The following CD46 variants were observed in gnomAD, a reference collection of about 807,000 sequenced individuals.
CD46 encodes the protein membrane cofactor protein.
CD46 carries 30 observed loss-of-function variants against 53.3 expected under a neutral mutation model. The ratio of observed to expected loss-of-function variants is 0.56; its 90% CI spans 0.42 to 0.76. The LOEUF is 0.76. Among genes scored for constraint, CD46 ranks in the 30% least tolerant of loss-of-function variants. The probability of loss-of-function intolerance (pLI) is 0.00; values close to 1 mark genes in which losing one functional copy is unlikely to be tolerated. For synonymous variants in CD46, 142 were observed against 152.0 expected (o/e 0.93, Z 0.48); for missense variants, 409 against 463.0 (o/e 0.88, Z 1.07).
At chr1:207,759,016 AG>A (rs1655882530) in intron 3 of CD46, among the ~76,000 whole-genome samples, 1 of 152,206 alleles carries the variant, frequency 6.6e-6, no homozygotes, top group African/African-American at 2.4e-5. Context: ...CATTGAGTAT[AG>A]GGGTATACTT....
Position 207,752,207 on chromosome 1 carries a change from C to T in CD46, c.-6C>T, listed in dbSNP as rs886045836. 11 of 1,613,278 alleles carry T rather than the reference C, an allele frequency of 6.8e-6. No homozygotes were observed. Among genetic ancestry groups the T allele is most frequent in the Non-Finnish European group, 9.3e-6 (11 of 1,179,774 alleles). On this transcript the variant is annotated 5_prime_UTR_variant, in exon 1 of 13. Coordinates refer to ENST00000367042, the MANE Select transcript of CD46 (RefSeq NM_172351.3). The surrounding 1 kb of genome is among the most constrained non-coding windows in gnomAD (Gnocchi z 4.1). Reference sequence around the variant, plus strand: ...CGGAGAAATAACAGCGTCTTCCGCGCCGCGCATGGAGCCTCCCGGCCGCCG... The same window carrying T: ...CGGAGAAATAACAGCGTCTTCCGCGTCGCGCATGGAGCCTCCCGGCCGCCG...
At chr1:207,792,517 G>A (rs886689819) in intron 12 of CD46, among the ~76,000 whole-genome samples, 6 of 152,160 alleles carry the variant, frequency 3.9e-5, no homozygotes, top group Non-Finnish European at 8.8e-5. Context: ...CGATGACCTT[G>A]AGCAGTAGGA....
intron 12 of CD46, among the ~76,000 whole-genome samples, chr1:207,792,053 C>T (rs570914205): frequency 1.3e-4 from 20 of 152,156 alleles, no homozygotes; most frequent in Admixed American, 8.5e-4. Context: ...GAGGCCGAGG[C>T]GGGCGGATCA....
chr1:207,763,848 G>T (rs1427246278), intron 5 of CD46, among the ~76,000 whole-genome samples: 20 of 139,756 alleles, frequency 1.4e-4, no homozygotes, highest in South Asian at 4.4e-4. Context: ...TGATTTTTTG[G>T]TTTTTTTTTT....
intron 9 of CD46, among the ~76,000 whole-genome samples, chr1:207,784,360 C>T (rs1659071662): frequency 6.6e-6 from 1 of 152,192 alleles, no homozygotes; most frequent in Non-Finnish European, 1.5e-5. Context: ...ACTAAACCAA[C>T]TCTCATGGGA....
chr1:207,779,382 G>C lies in CD46; in HGVS notation c.944-3910G>C, dbSNP rs530543397. On this transcript the variant is annotated intron_variant, in intron 8 of 12. Transcript: ENST00000367042. The stretch of plus-strand genomic sequence containing the variant: ...CTTTTCTTAAAAATGATATTATGCT[G>C]TACATATTTTTCTGCAACTTTTTCC... Among the ~76,000 whole-genome samples the C allele has an allele frequency of 3.3e-5, 5 of 152,112 alleles. No individual in the cohort carries two copies. In the South Asian group the frequency reaches 1.0e-3, roughly 32 times the overall value.
At chr1:207,767,464 T>C in intron 6 of CD46, 3 of 814,446 alleles carry the variant, frequency 3.7e-6, no homozygotes, top group Non-Finnish European at 6.3e-6. Flanking sequence ...TTTTTATGTA[T>C]AAAAAGTGAA....
At chr1:207,764,607 A>G (rs939511330) in intron 5 of CD46, among the ~76,000 whole-genome samples, 2 of 152,254 alleles carry the variant, frequency 1.3e-5, no homozygotes, top group African/African-American at 4.8e-5. Flanking sequence ...ATTATTCAAC[A>G]GACAAACAAA....
At chr1:207,778,698 A>G (rs925918246) in intron 8 of CD46, among the ~76,000 whole-genome samples, 2 of 152,138 alleles carry the variant, frequency 1.3e-5, no homozygotes, top group African/African-American at 4.8e-5. Flanking sequence ...GCCTTGTAGT[A>G]GAGTTTGAAG....
At chr1:207,776,157 G>C (rs550706047) in intron 8 of CD46, among the ~76,000 whole-genome samples, 43 of 152,370 alleles carry the variant, frequency 2.8e-4, no homozygotes, top group African/African-American at 9.6e-4. Flanking sequence ...GCAAGGTTCT[G>C]TGAGCGTGGG....
At chr1:207,774,313 C>T (rs935506350) in intron 8 of CD46, among the ~76,000 whole-genome samples, 8 of 151,894 alleles carry the variant, frequency 5.3e-5, no homozygotes, top group South Asian at 4.2e-4. Flanking sequence ...TATAGCACAC[C>T]GATGGGTCTT....
rs41316815 is a variant in CD46, at chr1:207,753,306, T to C, written c.97+997T>C. 3.4e-3 allele frequency among the ~76,000 whole-genome samples: 515 copies of C among 152,372 alleles called. 3 individuals are homozygous for C. The highest frequency in any genetic ancestry group is 0.012 in the African/African-American group (489 of 41,594). ...TAATCTTGTTTTCCCCTGCAGCTCA[T>C]AAGCTAAAGCTTAAGGCCTATCCCA... On this transcript the variant is annotated intron_variant, in intron 1 of 12. Transcript: ENST00000367042.
At chr1:207,791,545 G>C (rs1659800258) in intron 12 of CD46, among the ~76,000 whole-genome samples, 1 of 152,192 alleles carries the variant, frequency 6.6e-6, no homozygotes, top group African/African-American at 2.4e-5. Flanking sequence ...TATCCCGGGA[G>C]GGATGGAGTG....
chr1:207,779,840 C>A (rs1360231355), intron 8 of CD46, among the ~76,000 whole-genome samples: 1 of 150,492 alleles, frequency 6.6e-6, no homozygotes, highest in South Asian at 2.1e-4. Context: ...TCATACATTG[C>A]ATTCATAGGT....
At position 207,752,251 on chromosome 1, in the gene CD46, C is replaced by T; in HGVS notation, c.39C>T (p.Ser13=). Residue 13 remains serine, a synonymous_variant, in exon 1 of 13, where the codon TCC becomes TCT. Coordinates refer to ENST00000367042, the MANE Select transcript of CD46 (RefSeq NM_172351.3). This position sits in a 1 kb window ranked among gnomAD's most constrained non-coding sequence, Gnocchi z 4.1. ...GCCGCCGCGAGTGTCCCTTTCCTTC[C>T]TGGCGCTTTCCTGGGTTGCTTCTGG... ...PPGRRECPFP[S]WRFPGLLLAA... 6.2e-7 allele frequency: 1 copy of T among 1,614,162 alleles called. No individual in the cohort carries two copies.
At chr1:207,765,842 CTT>C (rs976190120) in intron 5 of CD46, among the ~76,000 whole-genome samples, 4 of 152,186 alleles carry the variant, frequency 2.6e-5, no homozygotes, top group Non-Finnish European at 5.9e-5. Flanking sequence ...CACACAGAAA[CTT>C]ATATGAGGAT....
At chr1:207,790,494 G>A in intron 12 of CD46, 149 bp downstream of exon 12, 1 of 601,628 alleles carries the variant, frequency 1.7e-6, no homozygotes, top group Non-Finnish European at 3.0e-6. Context: ...CTAAATTATT[G>A]ATGTGTTCTT....
At chr1:207,793,221 T>C (rs1659967828) in intron 12 of CD46, among the ~76,000 whole-genome samples, 2 of 152,208 alleles carry the variant, frequency 1.3e-5, no homozygotes, top group Admixed American at 1.3e-4. Flanking sequence ...TTGTCTCCAG[T>C]CTTTCCCATT....
Position 207,793,777 on chromosome 1 carries a change from T to C in CD46, c.*300T>C. Reference sequence around the variant, plus strand: ...TTGTATGAATTTGGGTATGAACAGATTGCCTGCTTTCCCTTAAATAACACT... The same window carrying C: ...TTGTATGAATTTGGGTATGAACAGACTGCCTGCTTTCCCTTAAATAACACT... On this transcript the variant is annotated 3_prime_UTR_variant, in exon 13 of 13. Transcript: ENST00000367042. The C allele has an allele frequency of 1.5e-6, 1 of 658,252 alleles. No homozygotes were observed. Among genetic ancestry groups the C allele is most frequent in the Non-Finnish European group, 2.8e-6 (1 of 355,916 alleles). The allele number at this position is 658,252 out of a possible 1,614,324, so 40.8% of individuals were successfully genotyped here. A position where few individuals can be genotyped will look rare whatever the true frequency, so the allele number is the denominator to read the frequency against.
Sources: allele counts gnomAD v4.1 joint callset (sites outside exome capture counted in the v4.1 genomes callset), GRCh38; gene constraint gnomAD v4.1.1; non-coding constraint Gnocchi (gnomAD v3.1); transcripts MANE v1.5; gene names NCBI Gene and HGNC (gene_info 2026-07-23, HGNC 2026-07-21).